TM2D3: variants seen among roughly 807,000 people sequenced by gnomAD.
TM2D3 encodes TM2 domain-containing protein 3.
In TM2D3, 33 loss-of-function variants were observed where a neutral mutation model predicts 27.3. The ratio of observed to expected loss-of-function variants is 1.21; its 90% CI spans 0.92 to 1.61. The LOEUF is 1.61. Among genes scored for constraint, TM2D3 ranks in the 40% most tolerant of loss-of-function variants. TM2D3 has a pLI of 0.00. For missense variants in TM2D3, 364 were observed against 320.8 expected (o/e 1.13, Z -1.03); for synonymous variants, 138 against 122.2 (o/e 1.13, Z -0.85).
At chr15:101,639,252 CAAT>C (rs777285168), downstream of TM2D3, among the ~76,000 whole-genome samples, 1 of 152,058 alleles carries the variant, frequency 6.6e-6, no homozygotes, top group Non-Finnish European at 1.5e-5. Context: ...GATGTATATA[CAAT>C]AAAAGTTTAA....
chr15:101,636,902 G>C, downstream of TM2D3: 1 of 441,194 alleles, frequency 2.3e-6, no homozygotes, highest in Admixed American at 2.5e-5. Flanking sequence ...GGAGTGCAGT[G>C]GTGTGGTCAC....
At chr15:101,649,882 G>A (rs576267882) in intron 3 of TM2D3, 122 bp downstream of exon 3, 1 of 954,456 alleles carries the variant, frequency 1.0e-6, no homozygotes, top group East Asian at 2.7e-5. Context: ...ATACTCAAAA[G>A]GGAAATCATA....
At chr15:101,644,827 A>G (rs1213073048) in intron 5 of TM2D3, among the ~76,000 whole-genome samples, 1 of 152,212 alleles carries the variant, frequency 6.6e-6, no homozygotes, top group Non-Finnish European at 1.5e-5. Flanking sequence ...GATAGTCCAC[A>G]GCATTTTACT....
At chr15:101,642,774 C>A in intron 5 of TM2D3, 130 bp from the exon 6 acceptor site, 1 of 616,936 alleles carries the variant, frequency 1.6e-6, no homozygotes, top group Non-Finnish European at 2.5e-6. Context: ...AACTGGAACA[C>A]AAGTGACTAT....
chr15:101,646,622 G>A, intron 4 of TM2D3, 103 bp downstream of exon 4: 1 of 1,267,414 alleles, frequency 7.9e-7, no homozygotes. Flanking sequence ...GCTGATAAAT[G>A]TTTCTAATTA....
intron 4 of TM2D3, 101 bp from the exon 5 acceptor site, chr15:101,645,263 A>G: frequency 3.1e-6 from 3 of 969,354 alleles, no homozygotes; most frequent in East Asian, 2.6e-5. Context: ...TGAAAAGTCA[A>G]CTCTCTTTAC....
At chr15:101,639,248 T>C (rs906571465), downstream of TM2D3, among the ~76,000 whole-genome samples, 5 of 152,282 alleles carry the variant, frequency 3.3e-5, no homozygotes, top group Admixed American at 2.0e-4. Flanking sequence ...ATACGATGTA[T>C]ATACAATAAA....
At position 101,646,917 on chromosome 15, in the gene TM2D3, C is replaced by T; in HGVS notation, c.328-18G>A. The stretch of plus-strand genomic sequence containing the variant: ...TCTTGATCCTATGTAGCAAATGACA[C>T]AAAACTCATCAATCACAATGGTGTA... On this transcript the variant is annotated intron_variant, in intron 3 of 5. Transcript: ENST00000333202. 1 of 1,613,822 alleles carries T rather than the reference C, an allele frequency of 6.2e-7. No homozygotes were observed.
intron 3 of TM2D3, chr15:101,648,227 A>G (rs1304193059): frequency 6.6e-6 from 1 of 152,058 alleles, no homozygotes; most frequent in Non-Finnish European, 1.5e-5. Context: ...ACATTTCACA[A>G]ATTTGCATGT....
Position 101,642,172 on chromosome 15 carries a change from TA to T in TM2D3, c.*306del. On this transcript the variant is annotated 3_prime_UTR_variant, in exon 6 of 6. Transcript: ENST00000333202. ...ATTTGGGCTGGAGATACAAGTGATG[TA>T]GTTTGACTTGGGCAATACAAAACAA... 16 of 1,033,552 alleles carry T rather than the reference TA, an allele frequency of 1.5e-5. No homozygotes were observed. Among genetic ancestry groups the T allele is most frequent in the Non-Finnish European group, 1.9e-5 (16 of 861,826 alleles). The allele number at this position is 1,033,552 out of a possible 1,614,324, so 64.0% of individuals were successfully genotyped here.
chr15:101,636,946 T>C (rs1171988229), downstream of TM2D3: 11 of 431,074 alleles, frequency 2.6e-5, 1 homozygote, highest in Non-Finnish European at 5.1e-5. Flanking sequence ...TGTAAAATAT[T>C]TGAAGAGATT....
chr15:101,644,017 T>C (rs1308119694), intron 5 of TM2D3, among the ~76,000 whole-genome samples: 1 of 152,124 alleles, frequency 6.6e-6, no homozygotes, highest in African/African-American at 2.4e-5. Context: ...GGCAGGCTTT[T>C]GTATTTTTGG....
chr15:101,646,755 A>G lies in TM2D3; in HGVS notation c.472T>C (p.Cys158Arg). 1.2e-6 allele frequency: 2 copies of G among 1,614,226 alleles called. No individual in the cohort carries two copies. Among genetic ancestry groups the G allele is most frequent in the Non-Finnish European group, 1.7e-6 (2 of 1,180,040 alleles). Residue 158 changes from cysteine to arginine, a missense_variant, in exon 4 of 6, where the codon TGC becomes CGC. Transcript: ENST00000333202. ...CAGTGGACGTGGTCCCGCACCGTGC[A>G]GTTGGCAGGGTAGCGCTGCCGAGGA... ...SCPRQRYPAN[C>R]TVRDHVHCLG...
chr15:101,644,843 G>A (rs933540050), intron 5 of TM2D3, among the ~76,000 whole-genome samples: 7 of 152,048 alleles, frequency 4.6e-5, no homozygotes, highest in Non-Finnish European at 1.0e-4. Context: ...TTACTGATTC[G>A]TGGTACATTC....
chr15:101,641,277 A>T (rs1896661774), downstream of TM2D3, among the ~76,000 whole-genome samples: 2 of 151,682 alleles, frequency 1.3e-5, no homozygotes, highest in African/African-American at 4.9e-5. Context: ...CCTCGTAAAC[A>T]AAACAAAACA....
At chr15:101,637,581 T>C (rs1896576989), downstream of TM2D3, among the ~76,000 whole-genome samples, 1 of 152,096 alleles carries the variant, frequency 6.6e-6, no homozygotes, top group South Asian at 2.1e-4. Flanking sequence ...TTTTATAAGG[T>C]GCAACTCCCC....
chr15:101,643,800 T>C (rs771177378), intron 5 of TM2D3, among the ~76,000 whole-genome samples: 1 of 152,082 alleles, frequency 6.6e-6, no homozygotes, highest in Non-Finnish European at 1.5e-5. Flanking sequence ...CAAACATTTA[T>C]TTATTTTTTT....
intron 1 of TM2D3, 126 bp from the exon 2 acceptor site, chr15:101,651,899 T>C (rs1463254537): frequency 5.2e-6 from 5 of 961,896 alleles, no homozygotes; most frequent in Admixed American, 1.9e-5. Context: ...TCACGGCTGG[T>C]CAGCCAGAAA....
chr15:101,649,764 G>C (rs1015411458), intron 3 of TM2D3, among the ~76,000 whole-genome samples: 2 of 152,204 alleles, frequency 1.3e-5, no homozygotes, highest in African/African-American at 2.4e-5. Flanking sequence ...TTTCTGTCAA[G>C]TGCATTTCCA....
Sources: allele counts gnomAD v4.1 joint callset (sites outside exome capture counted in the v4.1 genomes callset), GRCh38; gene constraint gnomAD v4.1.1; transcripts MANE v1.5; gene names NCBI Gene and HGNC (gene_info 2026-07-23, HGNC 2026-07-21).